TECPR2: variants seen among roughly 807,000 people sequenced by gnomAD.
TECPR2 encodes tectonin beta-propeller repeat-containing protein 2.
TECPR2 carries 65 observed loss-of-function variants against 138.1 expected under a neutral mutation model. The ratio of observed to expected loss-of-function variants is 0.47; its 90% CI spans 0.39 to 0.58. TECPR2 has a LOEUF of 0.58. Among genes scored for constraint, TECPR2 ranks in the 20% least tolerant of loss-of-function variants. TECPR2 has a pLI of 0.00. For missense variants in TECPR2, 1,553 were observed against 1,824.5 expected (o/e 0.85, Z 2.71); for synonymous variants, 746 against 749.8 (o/e 0.99, Z 0.08).
intron 14 of TECPR2, among the ~76,000 whole-genome samples, chr14:102,450,161 A>G (rs1460460693): frequency 6.6e-6 from 1 of 152,346 alleles, no homozygotes; most frequent in South Asian, 2.1e-4. Context: ...CACATTTTAA[A>G]TGAAAAAATC....
At chr14:102,422,740 G>A (rs1332406706) in intron 5 of TECPR2, among the ~76,000 whole-genome samples, 1 of 152,190 alleles carries the variant, frequency 6.6e-6, no homozygotes, top group Non-Finnish European at 1.5e-5. Flanking sequence ...AGTGTTAGGA[G>A]CACAGGAGAA....
chr14:102,414,808 T>C lies in TECPR2; in HGVS notation c.638+15T>C. 1 of 1,613,484 alleles carries C rather than the reference T, an allele frequency of 6.2e-7. No individual in the cohort carries two copies. Among genetic ancestry groups the C allele is most frequent in the South Asian group, 1.1e-5 (1 of 91,008 alleles). On this transcript the variant is annotated intron_variant, in intron 5 of 19. Transcript: ENST00000359520. ...CCAAGGAAAAGGTAAGTTTCACAAG[T>C]TTGCCAGTTTGGCCTAAATGCTGGG...
chr14:102,372,842 C>A (rs1887541306), intron 1 of TECPR2, among the ~76,000 whole-genome samples: 1 of 152,104 alleles, frequency 6.6e-6, no homozygotes, highest in African/African-American at 2.4e-5. Flanking sequence ...ATCACTTGAA[C>A]CCAGGAGGCG....
intron 2 of TECPR2, among the ~76,000 whole-genome samples, chr14:102,399,263 A>G (rs1317711210): frequency 6.6e-6 from 1 of 152,244 alleles, no homozygotes; most frequent in African/African-American, 2.4e-5. Context: ...ATCTGTCTCA[A>G]AAAACAAAAC....
chr14:102,458,503 G>A (rs1034378378), intron 16 of TECPR2, among the ~76,000 whole-genome samples: 3 of 152,112 alleles, frequency 2.0e-5, no homozygotes, highest in African/African-American at 2.4e-5. Flanking sequence ...AGCCAGACCC[G>A]GCCTGCTGTT....
chr14:102,442,199 G>A (rs995570156), intron 11 of TECPR2, among the ~76,000 whole-genome samples: 7 of 152,168 alleles, frequency 4.6e-5, no homozygotes, highest in Non-Finnish European at 7.4e-5. Context: ...GTCTGGTCTT[G>A]AACTCCTGAC....
At chr14:102,421,207 C>T (rs1287621735) in intron 5 of TECPR2, among the ~76,000 whole-genome samples, 1 of 152,130 alleles carries the variant, frequency 6.6e-6, no homozygotes, top group Admixed American at 6.5e-5. Context: ...AATTGATTGA[C>T]AGGAAAGGCA....
chr14:102,474,324 A>G (rs768775023), intron 17 of TECPR2, among the ~76,000 whole-genome samples: 3 of 151,976 alleles, frequency 2.0e-5, no homozygotes, highest in Non-Finnish European at 4.4e-5. Context: ...AGAAACTACA[A>G]CAAAGGTGAC....
At chr14:102,377,381 A>C (rs1039374224) in intron 2 of TECPR2, among the ~76,000 whole-genome samples, 2 of 152,064 alleles carry the variant, frequency 1.3e-5, no homozygotes, top group Admixed American at 1.3e-4. Flanking sequence ...GCTGGTCTTG[A>C]ACTCCTCGGC....
chr14:102,363,831 A>G (rs1277738234), intron 1 of TECPR2, among the ~76,000 whole-genome samples: 2 of 152,182 alleles, frequency 1.3e-5, no homozygotes, highest in African/African-American at 4.8e-5. Flanking sequence ...CAGTGCATGT[A>G]AAGTTAAGCA....
At chr14:102,414,605 A>G (rs1888971444) in intron 4 of TECPR2, 31 bp from the exon 5 acceptor site, 1 of 1,612,408 alleles carries the variant, frequency 6.2e-7, no homozygotes, top group African/African-American at 1.3e-5. Flanking sequence ...CCTGGCGCTG[A>G]TGTGAGGTGT....
chr14:102,493,586 T>TG (rs1026164096), intron 17 of TECPR2, among the ~76,000 whole-genome samples: 1 of 152,086 alleles, frequency 6.6e-6, no homozygotes, highest in African/African-American at 2.4e-5. Context: ...AGAGGGAAGG[T>TG]GGTGAATAGA....
intron 4 of TECPR2, among the ~76,000 whole-genome samples, chr14:102,413,728 A>G (rs1888946945): frequency 6.6e-6 from 1 of 152,078 alleles, no homozygotes; most frequent in Non-Finnish European, 1.5e-5. Flanking sequence ...TTTTTTATAC[A>G]ATGAAATATG....
chr14:102,476,715 A>G (rs1028647930), intron 17 of TECPR2, among the ~76,000 whole-genome samples: 1 of 152,234 alleles, frequency 6.6e-6, no homozygotes, highest in Admixed American at 6.5e-5. Context: ...TGAAATAATT[A>G]TGCTGAGTCA....
At chr14:102,440,998 T>C (rs1340352137) in intron 11 of TECPR2, among the ~76,000 whole-genome samples, 1 of 152,098 alleles carries the variant, frequency 6.6e-6, no homozygotes, top group Admixed American at 6.5e-5. Flanking sequence ...ATTTTTTTTT[T>C]CAGCCATATC....
At chr14:102,430,109 G>A (rs1369808815) in intron 7 of TECPR2, among the ~76,000 whole-genome samples, 1 of 151,976 alleles carries the variant, frequency 6.6e-6, no homozygotes. Flanking sequence ...TGGGATTACA[G>A]GTGTGCACCA....
At chr14:102,412,123 C>CTTTTTT (rs751930335) in intron 4 of TECPR2, among the ~76,000 whole-genome samples, 2 of 90,672 alleles carry the variant, frequency 2.2e-5, no homozygotes, top group African/African-American at 4.6e-5. Flanking sequence ...AATGTTGACA[C>CTTTTTT]TTTTTTTTTT....
At chr14:102,446,558 A>G (rs548718254) in intron 13 of TECPR2, among the ~76,000 whole-genome samples, 62 of 152,156 alleles carry the variant, frequency 4.1e-4, no homozygotes, top group Admixed American at 1.2e-3. Context: ...TCACACCACC[A>G]CACTCCAACC....
intron 12 of TECPR2, among the ~76,000 whole-genome samples, chr14:102,444,195 C>CTTTT (rs111476747): frequency 7.2e-6 from 1 of 138,726 alleles, no homozygotes; most frequent in African/African-American, 2.7e-5. Flanking sequence ...TGAACTGTAG[C>CTTTT]TTTTTTTTTT....
Sources: allele counts gnomAD v4.1 joint callset (sites outside exome capture counted in the v4.1 genomes callset), GRCh38; gene constraint gnomAD v4.1.1; transcripts MANE v1.5; gene names NCBI Gene and HGNC (gene_info 2026-07-23, HGNC 2026-07-21).